The following FRAS1 variants were observed in gnomAD, a reference collection of about 807,000 sequenced individuals.
FRAS1 encodes the protein extracellular matrix organizing protein FRAS1.
Under a neutral mutation model 435.2 loss-of-function variants are expected in FRAS1, and 290 were observed. The observed-to-expected ratio is 0.67, with a 90% CI of 0.61 to 0.73. The LOEUF (loss-of-function observed/expected upper bound fraction) is 0.73. FRAS1 is among the 30% of genes least tolerant of loss of function. The probability of loss-of-function intolerance (pLI) is 0.00; values close to 1 mark genes in which losing one functional copy is unlikely to be tolerated. For synonymous variants in FRAS1, 1,800 were observed against 1,851.0 expected (o/e 0.97, Z 0.71); for missense variants, 4,860 against 5,001.5 (o/e 0.97, Z 0.85).
chr4:78,413,368 T>G (rs1396837195), intron 32 of FRAS1, among the ~76,000 whole-genome samples: 2 of 152,198 alleles, frequency 1.3e-5, no homozygotes, highest in Non-Finnish European at 2.9e-5. Context: ...CTTGAAAATT[T>G]GGAGGAAATT....
At chr4:78,224,585 T>G (rs1225028870) in intron 2 of FRAS1, among the ~76,000 whole-genome samples, 5 of 152,120 alleles carry the variant, frequency 3.3e-5, no homozygotes, top group Non-Finnish European at 7.3e-5. Flanking sequence ...CAGATTGGAG[T>G]GCAGTACTGT....
chr4:78,354,244 C>T (rs1260390315), intron 20 of FRAS1, among the ~76,000 whole-genome samples: 3 of 152,154 alleles, frequency 2.0e-5, no homozygotes, highest in Non-Finnish European at 2.9e-5. Flanking sequence ...GGGTAGAAAT[C>T]ACTGCCCTAT....
chr4:78,397,793 A>C (rs938900544), intron 29 of FRAS1, among the ~76,000 whole-genome samples: 2 of 152,166 alleles, frequency 1.3e-5, no homozygotes, highest in African/African-American at 4.8e-5. Context: ...CTTAGGCAGC[A>C]TCCCACAAGG....
intron 62 of FRAS1, 118 bp downstream of exon 62, chr4:78,507,726 A>G (rs1720888324): frequency 1.0e-6 from 1 of 964,440 alleles, no homozygotes; most frequent in Non-Finnish European, 1.5e-6. Context: ...ACCAGGAGCC[A>G]TCTTGCCTTC....
intron 29 of FRAS1, among the ~76,000 whole-genome samples, chr4:78,399,186 C>T (rs1010219892): frequency 7.2e-5 from 11 of 152,110 alleles, no homozygotes; most frequent in African/African-American, 2.7e-4. Context: ...TAGAAAGTGC[C>T]GTTGCTGCTG....
intron 47 of FRAS1, among the ~76,000 whole-genome samples, chr4:78,459,445 G>T (rs1224984781): frequency 6.6e-6 from 1 of 152,214 alleles, no homozygotes; most frequent in East Asian, 1.9e-4. Context: ...GACAGGGGGA[G>T]CCCAAAGCAT....
intron 20 of FRAS1, among the ~76,000 whole-genome samples, chr4:78,345,755 C>T (rs750380992): frequency 1.2e-4 from 18 of 151,804 alleles, no homozygotes; most frequent in Non-Finnish European, 2.6e-4. Context: ...AGAGATCAAT[C>T]TCTCTGCAAA....
At chr4:78,313,062 G>C (rs1037286972) in intron 15 of FRAS1, among the ~76,000 whole-genome samples, 1 of 152,152 alleles carries the variant, frequency 6.6e-6, no homozygotes, top group Non-Finnish European at 1.5e-5. Flanking sequence ...TTTATTGTTG[G>C]TCAATTCTAA....
chr4:78,176,734 T>C (rs1365736261), intron 2 of FRAS1, among the ~76,000 whole-genome samples: 1 of 152,198 alleles, frequency 6.6e-6, no homozygotes, highest in Non-Finnish European at 1.5e-5. Flanking sequence ...CAAGATAGAA[T>C]GGAATGTGTT....
chr4:78,184,154 C>T (rs1042955767), intron 2 of FRAS1, among the ~76,000 whole-genome samples: 1 of 152,068 alleles, frequency 6.6e-6, no homozygotes, highest in Non-Finnish European at 1.5e-5. Context: ...ATAGCAAAGC[C>T]GTGAAGTACA....
At chr4:78,218,134 A>ACACAC (rs1471926143) in intron 2 of FRAS1, among the ~76,000 whole-genome samples, 24 of 126,812 alleles carry the variant, frequency 1.9e-4, no homozygotes, top group South Asian at 2.9e-4. Context: ...ACACACACAC[A>ACACAC]AGTTGTATTT....
Position 78,274,160 on chromosome 4 carries a change from AT to A in FRAS1, c.982-4494del, listed in dbSNP as rs1292395563. Among the ~76,000 whole-genome samples the A allele has an allele frequency of 3.9e-5, 6 of 152,192 alleles. No homozygotes were observed. The South Asian group carries it at 1.0e-3, about 26-fold the overall frequency. ...GTATTTCTGTGGGATAGGTGTTGATATCCCCTTTATCATTTTTTATTGCGTC... is the reference window on the plus strand; with the variant it reads ...GTATTTCTGTGGGATAGGTGTTGATACCCCTTTATCATTTTTTATTGCGTC... On this transcript the variant is annotated intron_variant, in intron 9 of 73. Coordinates refer to ENST00000512123, the MANE Select transcript of FRAS1 (RefSeq NM_025074.7).
At chr4:78,187,590 T>C (rs544939278) in intron 2 of FRAS1, among the ~76,000 whole-genome samples, 6 of 152,072 alleles carry the variant, frequency 3.9e-5, no homozygotes, top group African/African-American at 7.2e-5. Flanking sequence ...ATAAATGCTG[T>C]TGCTATCCTT....
chr4:78,313,807 G>T (rs1729129744), intron 15 of FRAS1, among the ~76,000 whole-genome samples: 1 of 151,850 alleles, frequency 6.6e-6, no homozygotes. Flanking sequence ...TCAATTATTT[G>T]TTTCCCTGTT....
At chr4:78,293,334 G>C (rs1727989811) in intron 14 of FRAS1, among the ~76,000 whole-genome samples, 1 of 152,100 alleles carries the variant, frequency 6.6e-6, no homozygotes, top group South Asian at 2.1e-4. Flanking sequence ...AATAATTTTT[G>C]ATAGAAAAAA....
At chr4:78,372,261 G>T (rs577243362) in intron 23 of FRAS1, among the ~76,000 whole-genome samples, 1 of 152,294 alleles carries the variant, frequency 6.6e-6, no homozygotes, top group East Asian at 1.9e-4. Flanking sequence ...CCATGCAGCT[G>T]GTGTTATTGG....
rs777897729 is a variant in FRAS1, at chr4:78,438,889, T to G, written c.5367-13T>G. 18 of 1,589,416 alleles carry G rather than the reference T, an allele frequency of 1.1e-5. No homozygotes were observed. Among genetic ancestry groups the G allele is most frequent in the Middle Eastern group, 1.7e-4 (1 of 5,998 alleles). ...CGTGGCTTATTCATTTGATTCTTTT[T>G]GTTTTTTTATAGATACTCAGCTGTG... On this transcript the variant is annotated splice_polypyrimidine_tract_variant and intron_variant, in intron 39 of 73. Coordinates refer to ENST00000512123, the MANE Select transcript of FRAS1 (RefSeq NM_025074.7).
intron 2 of FRAS1, among the ~76,000 whole-genome samples, chr4:78,074,596 G>A (rs111346242): frequency 0.018 from 2,780 of 152,156 alleles, 34 homozygotes; most frequent in Non-Finnish European, 0.028. Context: ...TTCTGTGTTG[G>A]CAGAGTCCTG....
At chr4:78,453,585 G>T (rs1378641634) in intron 47 of FRAS1, among the ~76,000 whole-genome samples, 1 of 152,108 alleles carries the variant, frequency 6.6e-6, no homozygotes, top group African/African-American at 2.4e-5. Context: ...GATCTCCCTT[G>T]AGTCCAGGAG....
Sources: allele counts gnomAD v4.1 joint callset (sites outside exome capture counted in the v4.1 genomes callset), GRCh38; gene constraint gnomAD v4.1.1; transcripts MANE v1.5; gene names NCBI Gene and HGNC (gene_info 2026-07-23, HGNC 2026-07-21).